Variants in ME3 observed in about 807,000 individuals in gnomAD.
ME3 encodes NADP-dependent malic enzyme, mitochondrial.
In ME3, 48 loss-of-function variants were observed where a neutral mutation model predicts 68.9. The ratio of observed to expected loss-of-function variants is 0.70; its 90% CI spans 0.55 to 0.89. ME3 has a LOEUF of 0.89. Among genes scored for constraint, ME3 ranks in the 40% least tolerant of loss-of-function variants. The probability of loss-of-function intolerance (pLI) is 0.00; values close to 1 mark genes in which losing one functional copy is unlikely to be tolerated. For synonymous variants in ME3, 320 were observed against 318.8 expected (o/e 1.00, Z -0.04); for missense variants, 675 against 797.4 (o/e 0.85, Z 1.85).
intron 2 of ME3, among the ~76,000 whole-genome samples, chr11:86,589,382 T>TATGAATGAATGA (rs201542002): frequency 1.4e-5 from 2 of 147,594 alleles, no homozygotes; most frequent in Admixed American, 6.6e-5. Context: ...AGAGAGAATA[T>TATGAATGAATGA]ATGAATGAAT....
At chr11:86,610,522 A>G (rs2135189633) in intron 2 of ME3, among the ~76,000 whole-genome samples, 1 of 152,232 alleles carries the variant, frequency 6.6e-6, no homozygotes, top group South Asian at 2.1e-4. Flanking sequence ...ACAAAGGTAG[A>G]AGGTGCAGCA....
chr11:86,630,172 AAG>A (rs1394939444), intron 2 of ME3, among the ~76,000 whole-genome samples: 1 of 152,148 alleles, frequency 6.6e-6, no homozygotes, highest in Non-Finnish European at 1.5e-5. Flanking sequence ...TCTTTTGAAG[AAG>A]AGAGTTCAAG....
At chr11:86,632,226 G>A (rs112181349) in intron 2 of ME3, among the ~76,000 whole-genome samples, 8 of 152,212 alleles carry the variant, frequency 5.3e-5, no homozygotes, top group Admixed American at 6.5e-5. Flanking sequence ...GCAAGAGAGT[G>A]CAGCCTGAGC....
intron 2 of ME3, among the ~76,000 whole-genome samples, chr11:86,649,789 A>C (rs1342999943): frequency 6.6e-6 from 1 of 152,242 alleles, no homozygotes; most frequent in Non-Finnish European, 1.5e-5. Context: ...ACTACAAACC[A>C]CCGCTTAAGG....
intron 7 of ME3, among the ~76,000 whole-genome samples, chr11:86,479,822 CT>C (rs72568900): frequency 1.4e-5 from 2 of 147,356 alleles, no homozygotes; most frequent in African/African-American, 5.0e-5. Flanking sequence ...TTTTTTCTTT[CT>C]TTTTTTTTTG....
intron 2 of ME3, among the ~76,000 whole-genome samples, chr11:86,573,065 G>A (rs1012899930): frequency 3.8e-5 from 4 of 104,222 alleles, no homozygotes; most frequent in Admixed American, 1.1e-4. Context: ...TTTGTTGGCC[G>A]CATAAATGTC....
chr11:86,479,186 T>C (rs1350803766), intron 7 of ME3, among the ~76,000 whole-genome samples: 2 of 152,142 alleles, frequency 1.3e-5, no homozygotes, highest in African/African-American at 2.4e-5. Flanking sequence ...GGAACACCCA[T>C]CTTCTCCGGC....
At chr11:86,436,219 G>C (rs752421211), downstream of ME3, 8 of 151,974 alleles carry the variant, frequency 5.3e-5, no homozygotes, top group South Asian at 2.1e-4. Flanking sequence ...AGCCATTCTG[G>C]TGAGTGTTGT....
intron 2 of ME3, among the ~76,000 whole-genome samples, chr11:86,666,348 C>A (rs1223410975): frequency 6.6e-6 from 1 of 152,182 alleles, no homozygotes; most frequent in East Asian, 1.9e-4. Flanking sequence ...AAAATGCATA[C>A]TGGATGGCAG....
At chr11:86,543,969 T>G (rs1206059511) in intron 4 of ME3, among the ~76,000 whole-genome samples, 1 of 148,606 alleles carries the variant, frequency 6.7e-6, no homozygotes, top group Non-Finnish European at 1.5e-5. Flanking sequence ...CAGACCACAG[T>G]GCAATCAAAT....
intron 4 of ME3, among the ~76,000 whole-genome samples, chr11:86,519,362 T>A (rs3889658): frequency 0.011 from 1,660 of 152,356 alleles, 35 homozygotes; most frequent in African/African-American, 0.037. Flanking sequence ...TAATGTTCAC[T>A]TAGGAGAATG....
chr11:86,476,704 G>C (rs1044680411), intron 7 of ME3, among the ~76,000 whole-genome samples: 3 of 152,194 alleles, frequency 2.0e-5, no homozygotes, highest in African/African-American at 7.2e-5. Context: ...CCGTCCACTG[G>C]AGGAGGGAGA....
chr11:86,567,132 G>A (rs1012346611), intron 2 of ME3, among the ~76,000 whole-genome samples: 6 of 151,942 alleles, frequency 3.9e-5, no homozygotes, highest in African/African-American at 1.2e-4. Context: ...CAGGAAAATC[G>A]CATGAAACTG....
intron 4 of ME3, among the ~76,000 whole-genome samples, chr11:86,539,382 C>A (rs1053633250): frequency 6.6e-6 from 1 of 152,122 alleles, no homozygotes; most frequent in Non-Finnish European, 1.5e-5. Flanking sequence ...TCATTACTTG[C>A]AAAGTAAACT....
intron 2 of ME3, among the ~76,000 whole-genome samples, chr11:86,587,659 A>G (rs1371753563): frequency 6.6e-6 from 1 of 152,202 alleles, no homozygotes; most frequent in African/African-American, 2.4e-5. Context: ...AAAGAAAGAC[A>G]GTAGAAAAAG....
chr11:86,464,318 C>G (rs1950371790), intron 8 of ME3, among the ~76,000 whole-genome samples: 1 of 152,230 alleles, frequency 6.6e-6, no homozygotes, highest in South Asian at 2.1e-4. Flanking sequence ...AGTGCTCCTT[C>G]CTGTGCACTT....
At chr11:86,609,305 A>G (rs558147340) in intron 2 of ME3, among the ~76,000 whole-genome samples, 8 of 152,300 alleles carry the variant, frequency 5.3e-5, no homozygotes, top group Non-Finnish European at 1.0e-4. Context: ...TGCCTGGTCC[A>G]TCATGAATAT....
At chr11:86,498,193 C>G in intron 5 of ME3, 69 bp from the exon 6 acceptor site, 2 of 1,519,478 alleles carry the variant, frequency 1.3e-6, no homozygotes, top group Non-Finnish European at 1.8e-6. Flanking sequence ...TTTTAGCAGC[C>G]CCAGCCCATC....
exon 10 of ME3, chr11:86,449,922 G>T: frequency 6.2e-7 from 1 of 1,614,070 alleles, no homozygotes; most frequent in Non-Finnish European, 8.5e-7. Context: ...CCACCATCCA[G>T]ATCTTTCTTG....
Sources: gnomAD v4.1 joint callset for allele counts (sites outside exome capture counted in the v4.1 genomes callset) on GRCh38, gnomAD v4.1.1 for gene constraint, MANE v1.5 for transcripts, NCBI Gene and HGNC (gene_info 2026-07-23, HGNC 2026-07-21) for gene names.